Variants in COX10 observed in about 807,000 individuals in gnomAD.
COX10 encodes protoheme IX farnesyltransferase, mitochondrial.
A neutral mutation model predicts 37.3 loss-of-function variants in COX10; 27 were observed. The observed-to-expected ratio is 0.72, with a 90% CI of 0.53 to 1.00. The LOEUF is 1.00. Among genes scored for constraint, COX10 ranks in the 50% least tolerant of loss-of-function variants. The pLI is 0.00. For missense variants in COX10, 475 were observed against 563.2 expected (o/e 0.84, Z 1.59); for synonymous variants, 222 against 229.1 (o/e 0.97, Z 0.28).
At chr17:14,146,574 C>G (rs1904726912) in intron 4 of COX10, among the ~76,000 whole-genome samples, 1 of 152,076 alleles carries the variant, frequency 6.6e-6, no homozygotes, top group Non-Finnish European at 1.5e-5. Flanking sequence ...AAGACATCGG[C>G]CTGGGCAAAG....
At chr17:14,088,580 T>C (rs985003818) in intron 3 of COX10, among the ~76,000 whole-genome samples, 1 of 152,128 alleles carries the variant, frequency 6.6e-6, no homozygotes, top group African/African-American at 2.4e-5. Context: ...CAGGGGAAGG[T>C]AAAGATAAAT....
intron 3 of COX10, among the ~76,000 whole-genome samples, chr17:14,094,596 G>A (rs1010828674): frequency 1.3e-5 from 2 of 152,092 alleles, no homozygotes; most frequent in Non-Finnish European, 2.9e-5. Flanking sequence ...ATTTATTAAA[G>A]GGTTGCTATC....
chr17:14,180,226 T>C (rs1905815456), intron 5 of COX10, among the ~76,000 whole-genome samples: 1 of 152,068 alleles, frequency 6.6e-6, no homozygotes, highest in Admixed American at 6.5e-5. Context: ...AGTCTCTTGG[T>C]GTGTATATAT....
intron 4 of COX10, among the ~76,000 whole-genome samples, chr17:14,138,487 A>G (rs1232384782): frequency 6.6e-6 from 1 of 152,160 alleles, no homozygotes; most frequent in Admixed American, 6.6e-5. Flanking sequence ...CAACCACTGT[A>G]TTGGTAGCCA....
chr17:14,195,768 G>T (rs1368873482), intron 6 of COX10, among the ~76,000 whole-genome samples: 1 of 152,146 alleles, frequency 6.6e-6, no homozygotes, highest in African/African-American at 2.4e-5. Flanking sequence ...AGTGGGCTGG[G>T]GTGGGGTCTG....
intron 3 of COX10, among the ~76,000 whole-genome samples, chr17:14,087,754 T>G (rs1002283449): frequency 6.6e-6 from 1 of 151,920 alleles, no homozygotes; most frequent in Non-Finnish European, 1.5e-5. Flanking sequence ...AAATCTGGTT[T>G]TTAGTGTCGT....
intron 3 of COX10, among the ~76,000 whole-genome samples, chr17:14,082,011 C>T (rs1252662127): frequency 6.6e-6 from 1 of 152,140 alleles, no homozygotes; most frequent in Non-Finnish European, 1.5e-5. Context: ...GGGCAGGGGG[C>T]TGTGAAAGGC....
At chr17:14,096,365 T>G (rs930957339) in intron 3 of COX10, among the ~76,000 whole-genome samples, 2 of 117,120 alleles carry the variant, frequency 1.7e-5, no homozygotes, top group African/African-American at 3.1e-5. Context: ...TGTAGGTGTG[T>G]TTTTTTTTTT....
At chr17:14,179,091 T>C in intron 5 of COX10, 2 of 178,654 alleles carry the variant, frequency 1.1e-5, no homozygotes, top group Non-Finnish European at 2.2e-5. Flanking sequence ...CTGTGTGTTA[T>C]AATTAAAGCC....
At chr17:14,110,196 G>C (rs1278166355) in intron 4 of COX10, among the ~76,000 whole-genome samples, 1 of 152,066 alleles carries the variant, frequency 6.6e-6, no homozygotes, top group Non-Finnish European at 1.5e-5. Context: ...TTTTCTCAGA[G>C]TACTAAGACT....
chr17:14,160,020 C>A, intron 5 of COX10, 73 bp downstream of exon 5: 1 of 1,408,844 alleles, frequency 7.1e-7, no homozygotes, highest in Non-Finnish European at 9.9e-7. Flanking sequence ...TCATTTCCCA[C>A]TATTTTGCTT....
At chr17:14,179,582 C>A (rs1905793491) in intron 5 of COX10, among the ~76,000 whole-genome samples, 1 of 152,168 alleles carries the variant, frequency 6.6e-6, no homozygotes, top group Non-Finnish European at 1.5e-5. Flanking sequence ...TCGGTACAAA[C>A]AAGAATTTCT....
intron 4 of COX10, among the ~76,000 whole-genome samples, chr17:14,144,987 T>C (rs556408278): frequency 1.3e-5 from 2 of 151,986 alleles, no homozygotes; most frequent in African/African-American, 2.4e-5. Flanking sequence ...ACAAGGGTAA[T>C]TGATGGAATA....
At chr17:14,098,725 T>A (rs1915706339) in intron 3 of COX10, among the ~76,000 whole-genome samples, 1 of 152,316 alleles carries the variant, frequency 6.6e-6, no homozygotes, top group East Asian at 1.9e-4. Context: ...ACTACTGTTT[T>A]CAGAGTCAGT....
intron 5 of COX10, 124 bp downstream of exon 5, chr17:14,160,071 AG>A: frequency 1.1e-6 from 1 of 873,520 alleles, no homozygotes; most frequent in Admixed American, 2.0e-5. Context: ...AAAGAAACAA[AG>A]TGATATGGAA....
intron 4 of COX10, among the ~76,000 whole-genome samples, chr17:14,114,058 A>G (rs1916061390): frequency 1.3e-5 from 2 of 152,174 alleles, no homozygotes; most frequent in Non-Finnish European, 2.9e-5. Context: ...GTCAAATTAA[A>G]ACACCAGATC....
intron 3 of COX10, among the ~76,000 whole-genome samples, chr17:14,080,219 CT>C (rs71147840): frequency 0.13 from 13,053 of 102,610 alleles, 265 homozygotes; most frequent in Non-Finnish European, 0.16. Context: ...ATTAGACTTT[CT>C]TTTTTTTTTT....
In COX10 at chr17:14,102,067, A is replaced by C. The variant is rs757292314; in HGVS notation, c.500-51A>C. The C allele has an allele frequency of 7.4e-6, 12 of 1,612,984 alleles. No individual in the cohort carries two copies. The South Asian group carries it at 1.3e-4, about 18-fold the overall frequency. On this transcript the variant is annotated intron_variant, in intron 3 of 6. Transcript: ENST00000261643. ...TGTTTTTTGTCGTTCTGGCCTTTAC[A>C]GTTGGGACTCCTGTTGGTAACAGTG...
intron 5 of COX10, among the ~76,000 whole-genome samples, chr17:14,174,740 A>G (rs1905604680): frequency 6.6e-6 from 1 of 151,742 alleles, no homozygotes; most frequent in Admixed American, 6.6e-5. Flanking sequence ...GGCAGATTTC[A>G]ATAAATTTAA....
Sources: gnomAD v4.1 joint callset for allele counts (sites outside exome capture counted in the v4.1 genomes callset) on GRCh38, gnomAD v4.1.1 for gene constraint, MANE v1.5 for transcripts, NCBI Gene and HGNC (gene_info 2026-07-23, HGNC 2026-07-21) for gene names.